The following AP1M1 variants were observed in gnomAD, a reference collection of about 807,000 sequenced individuals.
The protein encoded by AP1M1 is adaptor related protein complex 1 subunit mu 1, also known as AP-1 complex subunit mu-1.
Under a neutral mutation model 57.1 loss-of-function variants are expected in AP1M1, and 18 were observed. The ratio of observed to expected loss-of-function variants is 0.32; its 90% CI spans 0.22 to 0.47. The LOEUF is 0.47. AP1M1 is among the 20% of genes least tolerant of loss of function. The probability of loss-of-function intolerance (pLI) is 1.00; values close to 1 mark genes in which losing one functional copy is unlikely to be tolerated. For synonymous variants in AP1M1, 241 were observed against 237.9 expected, an observed-to-expected ratio of 1.01 and a Z score of -0.12; for missense variants, 362 against 593.5, an observed-to-expected ratio of 0.61 and a Z score of 4.05.
rs749149339 is a variant in AP1M1, at chr19:16,203,556, C to T, written c.140C>T (p.Ser47Leu). The T allele has an allele frequency of 5.0e-6, 8 of 1,614,104 alleles. No individual in the cohort carries two copies. In the Admixed American group the frequency reaches 1.0e-4, roughly 20 times the overall value. ...LMEKEEEGML[S>L]PILAHGGVRF... is the part of the protein sequence containing the mutation. ...GAGAAGGAGGAGGAGGGGATGCTGT[C>T]GCCCATCCTGGCCCACGGGGGGGTC... Residue 47 changes from serine to leucine, a missense_variant, in exon 2 of 12, where the codon TCG (serine) becomes TTG (leucine). This residue lies in a region of AP1M1 where 337 missense variants were observed against 511.1 expected (regional missense o/e 0.66). Transcript: ENST00000291439. This position sits in a 1 kb window ranked among gnomAD's most constrained non-coding sequence, Gnocchi z 4.6.
In AP1M1 at chr19:16,207,194, C is replaced by T. The variant is rs1046861435; in HGVS notation, c.267+786C>T. On this transcript the variant is annotated intron_variant, in intron 3 of 11. Transcript: ENST00000291439. This position sits in a 1 kb window ranked among gnomAD's most constrained non-coding sequence, Gnocchi z 4.2. Reference sequence around the variant, plus strand: ...AAGTGGGGAACAGGACCCAGGAGGCCTGTGCTGGGCCTGGGAAAGCTTTCA... The same window carrying T: ...AAGTGGGGAACAGGACCCAGGAGGCTTGTGCTGGGCCTGGGAAAGCTTTCA... 1.3e-5 allele frequency among the ~76,000 whole-genome samples: 2 copies of T among 152,082 alleles called. No homozygotes were observed. The highest frequency in any genetic ancestry group is 4.8e-5 in the African/African-American group (2 of 41,398).
In AP1M1 at chr19:16,239,693, G is replaced by C. The variant is rs2091638296; in HGVS notation, c.*5258G>C. The C allele has an allele frequency of 6.6e-6, 1 of 152,030 alleles. No homozygotes were observed. The highest frequency in any genetic ancestry group is 6.6e-5 in the Admixed American group (1 of 15,252). 9.4% of individuals were successfully genotyped at this position (152,030 alleles called of 1,614,324 possible). Reference sequence around the variant, plus strand: ...CCAGCTACTCAGGTGGCTGGGGCAGGAGATTCGCTTGAACCCGGGAGATGG... The same window carrying C: ...CCAGCTACTCAGGTGGCTGGGGCAGCAGATTCGCTTGAACCCGGGAGATGG... On this transcript the variant is annotated 3_prime_UTR_variant, in exon 12 of 12. Coordinates refer to ENST00000291439, the MANE Select transcript of AP1M1 (RefSeq NM_032493.4).
rs1263582788 is a variant in AP1M1, at chr19:16,228,194, G to A, written c.874G>A (p.Glu292Lys). 1.9e-6 allele frequency: 3 copies of A among 1,613,738 alleles called. No individual in the cohort carries two copies. The highest frequency in any genetic ancestry group is 2.5e-6 in the Non-Finnish European group (3 of 1,180,012). ...VIEKHSHSRI[E>K]YMIKAKSQFK... Reference sequence around the variant, plus strand: ...CGAGAAGCACTCCCACAGCCGCATCGAGTACATGATCAAGGTGCGTGGGCC... The same window carrying A: ...CGAGAAGCACTCCCACAGCCGCATCAAGTACATGATCAAGGTGCGTGGGCC... The change falls in exon 8 of 12, where the codon GAG becomes AAG. Residue 292 changes from glutamate to lysine, a missense_variant. Transcript: ENST00000291439. The surrounding 1 kb of genome is among the most constrained non-coding windows in gnomAD (Gnocchi z 5.0).
chr19:16,199,655 A>G (rs1211377880), intron 1 of AP1M1, among the ~76,000 whole-genome samples: 1 of 147,078 alleles, frequency 6.8e-6, no homozygotes, highest in African/African-American at 2.5e-5. Flanking sequence ...TCTGGAAGCC[A>G]CCCAAAGTCA....
In AP1M1 at chr19:16,239,572, C is replaced by G. The variant is rs1332689636; in HGVS notation, c.*5137C>G. The stretch of plus-strand genomic sequence containing the variant: ...CTGAGGCGGCCAGATCATTTTAGGT[C>G]AGGAGTTTGAGACCAGCCTGGCCAA... On this transcript the variant is annotated 3_prime_UTR_variant, in exon 12 of 12. Transcript: ENST00000291439. 1 of 151,930 alleles carries G rather than the reference C, an allele frequency of 6.6e-6. No homozygotes were observed. The highest frequency in any genetic ancestry group is 1.5e-5 in the Non-Finnish European group (1 of 68,000). The allele number at this position is 151,930 out of a possible 1,614,324, so 9.4% of individuals were successfully genotyped here. A position where few individuals can be genotyped will look rare whatever the true frequency, so the allele number is the denominator to read the frequency against.
rs2091473969 is a variant in AP1M1, at chr19:16,207,443, G to A, written c.268-576G>A. Among the ~76,000 whole-genome samples, 1 of 152,114 alleles carries A rather than the reference G, an allele frequency of 6.6e-6. No individual in the cohort carries two copies. The highest frequency in any genetic ancestry group is 2.4e-5 in the African/African-American group (1 of 41,430). ...GATCACAGTCCTGAAGCGCGCAGGG[G>A]TCAGCAGATCAGAGAATGGGGGATG... On this transcript the variant is annotated intron_variant, in intron 3 of 11. Coordinates refer to ENST00000291439, the MANE Select transcript of AP1M1 (RefSeq NM_032493.4). This position sits in a 1 kb window ranked among gnomAD's most constrained non-coding sequence, Gnocchi z 4.2.
chr19:16,214,227 T>C (rs1332180014), intron 5 of AP1M1, among the ~76,000 whole-genome samples: 1 of 151,570 alleles, frequency 6.6e-6, no homozygotes, highest in East Asian at 1.9e-4. Flanking sequence ...TTTTTTTTGG[T>C]ATTTTTAGTA....
Position 16,207,902 on chromosome 19 carries a change from A to C in AP1M1, c.268-117A>C. Reference sequence around the variant, plus strand: ...CTGTAGCACACCACCGAGCCTGGGAAGTAGGCTGTTGGTAGGACTTAGCGG... The same window carrying C: ...CTGTAGCACACCACCGAGCCTGGGACGTAGGCTGTTGGTAGGACTTAGCGG... On this transcript the variant is annotated intron_variant, in intron 3 of 11. Transcript: ENST00000291439. The surrounding 1 kb of genome is among the most constrained non-coding windows in gnomAD (Gnocchi z 4.2). 7.5e-7 allele frequency: 1 copy of C among 1,324,990 alleles called. No individual in the cohort carries two copies. Among genetic ancestry groups the C allele is most frequent in the Non-Finnish European group, 1.0e-6 (1 of 962,060 alleles). The allele number at this position is 1,324,990 out of a possible 1,614,324, so 82.1% of individuals were successfully genotyped here. A position where few individuals can be genotyped will look rare whatever the true frequency, so the allele number is the denominator to read the frequency against.
intron 9 of AP1M1, among the ~76,000 whole-genome samples, chr19:16,230,825 C>T (rs2091592567): frequency 6.6e-6 from 1 of 152,174 alleles, no homozygotes; most frequent in African/African-American, 2.4e-5. Flanking sequence ...CCTGTCAGTG[C>T]TTCCCATGCA....
chr19:16,216,842 A>G (rs1319627584), intron 5 of AP1M1, among the ~76,000 whole-genome samples: 8 of 152,236 alleles, frequency 5.3e-5, no homozygotes, highest in Non-Finnish European at 1.0e-4. Flanking sequence ...GCTGGTCACA[A>G]CACTCCAATG....
intron 5 of AP1M1, among the ~76,000 whole-genome samples, chr19:16,223,458 C>T (rs890218074): frequency 9.2e-5 from 14 of 152,338 alleles, no homozygotes; most frequent in African/African-American, 2.6e-4. Context: ...CTGTTGTACA[C>T]GTCTGCCATT....
intron 9 of AP1M1, among the ~76,000 whole-genome samples, chr19:16,230,826 T>C (rs2091592575): frequency 6.6e-6 from 1 of 152,154 alleles, no homozygotes; most frequent in African/African-American, 2.4e-5. Context: ...CTGTCAGTGC[T>C]TCCCATGCAT....
intron 5 of AP1M1, among the ~76,000 whole-genome samples, chr19:16,220,875 G>T (rs957175272): frequency 1.8e-4 from 27 of 152,034 alleles, no homozygotes; most frequent in Admixed American, 1.2e-3. Context: ...CTTCCTTCTG[G>T]CATCCATCAT....
rs1452034577 is a variant in AP1M1, at chr19:16,245,242, A to T, written c.*10807A>T. 6.6e-6 allele frequency: 1 copy of T among 151,880 alleles called. No homozygotes were observed. The highest frequency in any genetic ancestry group is 6.6e-5 in the Admixed American group (1 of 15,222). The allele number at this position is 151,880 out of a possible 1,614,324, so 9.4% of individuals were successfully genotyped here. A position where few individuals can be genotyped will look rare whatever the true frequency, so the allele number is the denominator to read the frequency against. On this transcript the variant is annotated 3_prime_UTR_variant, in exon 12 of 12. Coordinates refer to ENST00000291439, the MANE Select transcript of AP1M1 (RefSeq NM_032493.4). ...TGCATTTTACTATCTAAGGGAGCTA[A>T]AACATTTTTATTATTTTAGCACTGT... is the stretch of plus-strand genomic sequence containing the variant.
In AP1M1 at chr19:16,243,631, A is replaced by AT. The variant is rs2145152878; in HGVS notation, c.*9197dup. ...ATCACCATGTGTCAAAGAAGAAAAT[A>AT]TAATGGAAGTTAGAAAATATTAGAG... On this transcript the variant is annotated 3_prime_UTR_variant, in exon 12 of 12. Coordinates refer to ENST00000291439, the MANE Select transcript of AP1M1 (RefSeq NM_032493.4). 6.6e-6 allele frequency: 1 copy of AT among 152,268 alleles called. No individual in the cohort carries two copies. The highest frequency in any genetic ancestry group is 2.4e-5 in the African/African-American group (1 of 41,560). The allele number at this position is 152,268 out of a possible 1,614,324, so 9.4% of individuals were successfully genotyped here.
intron 5 of AP1M1, among the ~76,000 whole-genome samples, chr19:16,211,463 G>A (rs991722986): frequency 2.0e-5 from 3 of 152,102 alleles, no homozygotes; most frequent in African/African-American, 4.8e-5. Flanking sequence ...CAGGGGGAAC[G>A]CTTTCAGCTT....
At position 16,209,010 on chromosome 19, in the gene AP1M1, C is replaced by G. The variant is rs371056005; in HGVS notation, c.399-20C>G. 1.9e-6 allele frequency: 3 copies of G among 1,609,666 alleles called. No individual in the cohort carries two copies. The highest frequency in any genetic ancestry group is 2.7e-5 in the African/African-American group (2 of 74,852). On this transcript the variant is annotated intron_variant, in intron 4 of 11. Coordinates refer to ENST00000291439, the MANE Select transcript of AP1M1 (RefSeq NM_032493.4). ...TGGTGCGGGTACCACCTCCTTCACT[C>G]TGAGCGTGTGGCCCCACAGGTACAT...
rs904695879 is a variant in AP1M1, at chr19:16,203,366, C to T, written c.43-93C>T. ...GTGGCCATGACCGGAGTCCCCAGAGCGAAGCAGGGTGGTGCATCTCACCCC... is the reference window on the plus strand; with the variant it reads ...GTGGCCATGACCGGAGTCCCCAGAGTGAAGCAGGGTGGTGCATCTCACCCC... On this transcript the variant is annotated intron_variant, in intron 1 of 11. Coordinates refer to ENST00000291439, the MANE Select transcript of AP1M1 (RefSeq NM_032493.4). This position sits in a 1 kb window ranked among gnomAD's most constrained non-coding sequence, Gnocchi z 4.6. The T allele has an allele frequency of 1.3e-5, 18 of 1,362,946 alleles. No individual in the cohort carries two copies. Among genetic ancestry groups the T allele is most frequent in the South Asian group, 2.5e-5 (2 of 81,326 alleles). The allele number at this position is 1,362,946 out of a possible 1,614,324, so 84.4% of individuals were successfully genotyped here. A position where few individuals can be genotyped will look rare whatever the true frequency, so the allele number is the denominator to read the frequency against.
intron 5 of AP1M1, among the ~76,000 whole-genome samples, chr19:16,215,007 C>T (rs908597328): frequency 6.6e-6 from 1 of 151,646 alleles, no homozygotes. Context: ...CCTCGGCCTC[C>T]TAAAGTGCTG....
Sources: gnomAD v4.1 joint callset for allele counts (sites outside exome capture counted in the v4.1 genomes callset) on GRCh38, gnomAD v4.1.1 for gene constraint, gnomAD v4.1.1 regional missense constraint, Gnocchi (gnomAD v3.1) non-coding constraint, MANE v1.5 for transcripts, NCBI Gene and HGNC (gene_info 2026-07-23, HGNC 2026-07-21) for gene names.